Variants in CLNK observed in about 807,000 individuals in gnomAD.
The protein encoded by CLNK is cytokine dependent hematopoietic cell linker, also known as cytokine-dependent hematopoietic cell linker.
CLNK carries 74 observed loss-of-function variants against 68.6 expected under a neutral mutation model. That is an observed-to-expected ratio of 1.08 (90% CI 0.89 to 1.31). The LOEUF is 1.31. Ranked by LOEUF, CLNK falls within the 50% of genes most tolerant of loss-of-function variation. The pLI is 0.00. For missense variants in CLNK, 553 were observed against 515.3 expected, an observed-to-expected ratio of 1.07 and a Z score of -0.71; for synonymous variants, 198 against 172.2, an observed-to-expected ratio of 1.15 and a Z score of -1.17.
chr4:10,583,301 G>A (rs149931745), intron 4 of CLNK, among the ~76,000 whole-genome samples: 254 of 151,574 alleles, frequency 1.7e-3, no homozygotes, highest in African/African-American at 5.4e-3. Flanking sequence ...TTTTTGAGAC[G>A]GAGTCTTGCT....
chr4:10,692,124 T>C, the CLNK span: 1 of 152,050 alleles, frequency 6.6e-6, no homozygotes, highest in Admixed American at 6.6e-5. Context: ...GAAATAATAA[T>C]AGCTGGTATA....
At chr4:10,638,718 G>T (rs1723190628) in intron 2 of CLNK, among the ~76,000 whole-genome samples, 1 of 152,194 alleles carries the variant, frequency 6.6e-6, no homozygotes, top group Non-Finnish European at 1.5e-5. Flanking sequence ...CACTGTATTA[G>T]TTTGCTTGGG....
chr4:10,585,303 C>T (rs761674020), intron 3 of CLNK, among the ~76,000 whole-genome samples: 60 of 152,336 alleles, frequency 3.9e-4, no homozygotes, highest in Non-Finnish European at 5.7e-4. Flanking sequence ...AAAGCTGCCT[C>T]CTTACATATT....
At chr4:10,501,642 T>C (rs10022649) in intron 17 of CLNK, among the ~76,000 whole-genome samples, 151,172 of 152,338 alleles carry the variant, frequency 0.99, 75,022 homozygotes, top group East Asian at 1. Context: ...AGTCTTTCAT[T>C]GAGGCCAGGT....
In CLNK at chr4:10,642,003, T is replaced by C. The variant is rs1018779513; in HGVS notation, c.11+25856A>G. ...AGGTCTCCCCAGCTATGTGGAACTGTTAGTCCATTAAACCTCTTTTTCTTT... is the reference window on the plus strand; with the variant it reads ...AGGTCTCCCCAGCTATGTGGAACTGCTAGTCCATTAAACCTCTTTTTCTTT... On this transcript the variant is annotated intron_variant, in intron 2 of 18. Transcript: ENST00000226951. 3.9e-5 allele frequency among the ~76,000 whole-genome samples: 6 copies of C among 152,324 alleles called. No individual in the cohort carries two copies. The South Asian group carries it at 1.2e-3, about 32-fold the overall frequency.
At chr4:10,492,106 C>G (rs1716599221) in intron 18 of CLNK, among the ~76,000 whole-genome samples, 1 of 152,286 alleles carries the variant, frequency 6.6e-6, no homozygotes, top group South Asian at 2.1e-4. Flanking sequence ...GTGAGGTGAA[C>G]AGGGCAGGGG....
At chr4:10,730,330 C>A in the CLNK span, among the ~76,000 whole-genome samples, 1 of 152,168 alleles carries the variant, frequency 6.6e-6, no homozygotes, top group Non-Finnish European at 1.5e-5. Context: ...TTATATGACT[C>A]ATCTGTTTCC....
At chr4:10,638,977 T>C (rs950083019) in intron 2 of CLNK, among the ~76,000 whole-genome samples, 1 of 152,236 alleles carries the variant, frequency 6.6e-6, no homozygotes, top group African/African-American at 2.4e-5. Context: ...TACCTCTGTC[T>C]CCAAATGCAG....
chr4:10,719,011 A>C, the CLNK span, among the ~76,000 whole-genome samples: 1 of 152,244 alleles, frequency 6.6e-6, no homozygotes. Flanking sequence ...ACCTAGAGCA[A>C]GCACTAAAAA....
At chr4:10,577,469 G>A (rs1720610050) in intron 4 of CLNK, among the ~76,000 whole-genome samples, 1 of 152,168 alleles carries the variant, frequency 6.6e-6, no homozygotes, top group Non-Finnish European at 1.5e-5. Flanking sequence ...TGGGCACATG[G>A]TCGGAGCTAC....
intron 2 of CLNK, among the ~76,000 whole-genome samples, chr4:10,639,416 C>T (rs1197258799): frequency 1.3e-5 from 2 of 152,198 alleles, no homozygotes; most frequent in African/African-American, 2.4e-5. Flanking sequence ...TCCTGCTGGG[C>T]TGGGTGAGAG....
At chr4:10,726,145 C>A in the CLNK span, among the ~76,000 whole-genome samples, 2 of 152,060 alleles carry the variant, frequency 1.3e-5, no homozygotes, top group Non-Finnish European at 2.9e-5. Context: ...TCACCCTAGA[C>A]CCCCACCTTT....
chr4:10,517,593 C>T (rs554174953), intron 15 of CLNK: 1 of 152,132 alleles, frequency 6.6e-6, no homozygotes, highest in African/African-American at 2.4e-5. Context: ...TAACTTTCAA[C>T]GTCGATTGAA....
At chr4:10,600,551 A>G (rs1031009571) in intron 2 of CLNK, among the ~76,000 whole-genome samples, 4 of 152,184 alleles carry the variant, frequency 2.6e-5, no homozygotes, top group African/African-American at 9.6e-5. Context: ...GTACATGTCC[A>G]TATCCCCTTG....
At chr4:10,586,535 G>T (rs1056116252) in intron 3 of CLNK, among the ~76,000 whole-genome samples, 1 of 151,570 alleles carries the variant, frequency 6.6e-6, no homozygotes, top group African/African-American at 2.4e-5. Flanking sequence ...GGATGGTCTC[G>T]ATCTCTTGAC....
the CLNK span, among the ~76,000 whole-genome samples, chr4:10,717,718 T>C: frequency 2.6e-5 from 4 of 152,342 alleles, no homozygotes; most frequent in African/African-American, 9.6e-5. Context: ...TTCTTTCCCT[T>C]GTCAGAGTGG....
At chr4:10,653,216 G>C (rs886907712) in intron 2 of CLNK, among the ~76,000 whole-genome samples, 8 of 152,104 alleles carry the variant, frequency 5.3e-5, no homozygotes, top group African/African-American at 1.4e-4. Flanking sequence ...GGGAGGGATA[G>C]AATTAGGAGA....
chr4:10,510,601 C>T (rs1717534936), intron 16 of CLNK, among the ~76,000 whole-genome samples: 1 of 152,200 alleles, frequency 6.6e-6, no homozygotes, highest in Non-Finnish European at 1.5e-5. Flanking sequence ...AGACACGCCT[C>T]ATAGCTCTTC....
the CLNK span, among the ~76,000 whole-genome samples, chr4:10,717,467 A>C: frequency 6.6e-6 from 1 of 152,214 alleles, no homozygotes; most frequent in Non-Finnish European, 1.5e-5. Flanking sequence ...GTGGTTATGC[A>C]CGCCTGTAAT....
Sources: allele counts gnomAD v4.1 joint callset (sites outside exome capture counted in the v4.1 genomes callset), GRCh38; gene constraint gnomAD v4.1.1; transcripts MANE v1.5; gene names NCBI Gene and HGNC (gene_info 2026-07-23, HGNC 2026-07-21).